The following CDC16 variants were observed in gnomAD, a reference collection of about 807,000 sequenced individuals.
CDC16 encodes cell division cycle protein 16 homolog.
CDC16 carries 34 observed loss-of-function variants against 87.0 expected under a neutral mutation model. The ratio of observed to expected loss-of-function variants is 0.39; its 90% CI spans 0.30 to 0.52. The LOEUF (loss-of-function observed/expected upper bound fraction) is 0.52. Among genes scored for constraint, CDC16 ranks in the 20% least tolerant of loss-of-function variants. The pLI is 0.74. For missense variants in CDC16, 653 were observed against 751.9 expected (o/e 0.87, Z 1.54); for synonymous variants, 263 against 260.6 (o/e 1.01, Z -0.09).
rs1233987353 is a variant in CDC16, at chr13:114,262,864, T to C, written c.1377-15T>C. 1.2e-6 allele frequency: 2 copies of C among 1,613,878 alleles called. No homozygotes were observed. The highest frequency in any genetic ancestry group is 1.7e-6 in the Non-Finnish European group (2 of 1,179,882). The stretch of plus-strand genomic sequence containing the variant: ...GTGCTTTTACTGTAGCCAATAATTG[T>C]GTTCTCTCCCACAGAAAGTATGCTG... On this transcript the variant is annotated splice_polypyrimidine_tract_variant and intron_variant, in intron 15 of 17. Transcript: ENST00000356221.
intron 7 of CDC16, 69 bp from the exon 8 acceptor site, chr13:114,243,787 A>C (rs557976552): frequency 1.5e-6 from 2 of 1,366,386 alleles, no homozygotes; most frequent in African/African-American, 2.9e-5. Context: ...TGGGCCAAAC[A>C]CAAATTGAAT....
At position 114,265,256 on chromosome 13, in the gene CDC16, T is replaced by C. The variant is rs181889421; in HGVS notation, c.1603+16T>C. On this transcript the variant is annotated intron_variant, in intron 17 of 17. Coordinates refer to ENST00000356221, the MANE Select transcript of CDC16 (RefSeq NM_001078645.3). ...GCTTATATTGGTAAGATAATCGTTA[T>C]TCTTATTGGTATTGTACTCCATTTT... 4.7e-6 allele frequency: 7 copies of C among 1,489,672 alleles called. No homozygotes were observed. Among genetic ancestry groups the C allele is most frequent in the East Asian group, 4.5e-5 (2 of 44,362 alleles). 92.3% of individuals were successfully genotyped at this position (1,489,672 alleles called of 1,614,324 possible).
chr13:114,259,372 GA>G lies in CDC16; in HGVS notation c.1294del (p.Ile432LeufsTer8). The G allele has an allele frequency of 6.4e-7, 1 of 1,574,194 alleles. No homozygotes were observed. The highest frequency in any genetic ancestry group is 2.1e-5 in the Admixed American group (1 of 48,712). ...CGAAAAATGGTTTCTTGATGCTTTG[GA>G]AAAAATTAAAGCAATTGGGAACGAG... ...TAEKWFLDAL[E>X]KIKAIGNEVT... On this transcript the variant is annotated frameshift_variant, in exon 14 of 18. Coordinates refer to ENST00000356221, the MANE Select transcript of CDC16 (RefSeq NM_001078645.3). LOFTEE classifies it high-confidence loss of function.
intron 17 of CDC16, among the ~76,000 whole-genome samples, chr13:114,268,140 G>A (rs2083365600): frequency 6.6e-6 from 1 of 152,184 alleles, no homozygotes; most frequent in Non-Finnish European, 1.5e-5. Flanking sequence ...GGAAAGGGGG[G>A]GGAGTTCCCC....
At chr13:114,261,311 A>C (rs917198580) in intron 14 of CDC16, among the ~76,000 whole-genome samples, 1 of 152,018 alleles carries the variant, frequency 6.6e-6, no homozygotes, top group Non-Finnish European at 1.5e-5. Flanking sequence ...GAAGGAAACA[A>C]CCCGGTCAGA....
At chr13:114,256,625 A>T (rs2082513642) in intron 12 of CDC16, among the ~76,000 whole-genome samples, 1 of 152,222 alleles carries the variant, frequency 6.6e-6, no homozygotes, top group Admixed American at 6.5e-5. Flanking sequence ...AACTGATTAT[A>T]ATGGGAATTC....
intron 6 of CDC16, 122 bp downstream of exon 6, chr13:114,242,402 T>C: frequency 1.2e-6 from 1 of 828,844 alleles, no homozygotes; most frequent in South Asian, 1.7e-5. Flanking sequence ...ACCTACTCAC[T>C]TTCTTAATGT....
chr13:114,247,149 T>C (rs1459846932), intron 11 of CDC16, 145 bp downstream of exon 11: 5 of 608,652 alleles, frequency 8.2e-6, no homozygotes, highest in Non-Finnish European at 1.4e-5. Context: ...TCTTTCTCTC[T>C]TTCTTTCTTG....
At position 114,271,211 on chromosome 13, in the gene CDC16, G is replaced by A. The variant is rs190350673; in HGVS notation, c.1604-973G>A. Among the ~76,000 whole-genome samples, 10 of 152,124 alleles carry A rather than the reference G, an allele frequency of 6.6e-5. No individual in the cohort carries two copies. In the East Asian group the frequency reaches 1.8e-3, roughly 27 times the overall value. On this transcript the variant is annotated intron_variant, in intron 17 of 17. Coordinates refer to ENST00000356221, the MANE Select transcript of CDC16 (RefSeq NM_001078645.3). The stretch of plus-strand genomic sequence containing the variant: ...GCTGGGATTACAGGCGTGAGCCATC[G>A]CGCCCGGCCAAGATTTACCATTCAT...
chr13:114,265,319 T>C (rs1448057972), intron 17 of CDC16, 79 bp downstream of exon 17: 2 of 919,536 alleles, frequency 2.2e-6, no homozygotes, highest in African/African-American at 3.3e-5. Flanking sequence ...TTTCTCATAT[T>C]CTCGTCTGAG....
At chr13:114,251,418 A>G (rs1461550401) in intron 12 of CDC16, among the ~76,000 whole-genome samples, 2 of 152,248 alleles carry the variant, frequency 1.3e-5, no homozygotes, top group Non-Finnish European at 2.9e-5. Context: ...AAAGACTTTG[A>G]AGAGTGTCTT....
intron 17 of CDC16, among the ~76,000 whole-genome samples, chr13:114,271,702 C>G (rs562713503): frequency 6.6e-6 from 1 of 151,906 alleles, no homozygotes; most frequent in South Asian, 2.1e-4. Context: ...AGGATGGTCT[C>G]GATCTCCTGA....
intron 10 of CDC16, among the ~76,000 whole-genome samples, chr13:114,246,340 T>C (rs2081872503): frequency 6.6e-6 from 1 of 152,264 alleles, no homozygotes; most frequent in Admixed American, 6.5e-5. Context: ...TATAAAATAC[T>C]GACCATGACA....
At chr13:114,268,001 C>G (rs1594693176) in intron 17 of CDC16, among the ~76,000 whole-genome samples, 2 of 152,300 alleles carry the variant, frequency 1.3e-5, no homozygotes, top group Non-Finnish European at 2.9e-5. Context: ...GGTCCCTCAC[C>G]CAAACTGGGC....
chr13:114,235,031 C>A lies in CDC16; in HGVS notation c.-54C>A. 2 of 1,234,666 alleles carry A rather than the reference C, an allele frequency of 1.6e-6. No individual in the cohort carries two copies. Among genetic ancestry groups the A allele is most frequent in the Non-Finnish European group, 2.0e-6 (2 of 984,228 alleles). 76.5% of individuals were successfully genotyped at this position (1,234,666 alleles called of 1,614,324 possible). A position where few individuals can be genotyped will look rare whatever the true frequency, so the allele number is the denominator to read the frequency against. ...GGCACGGGGCGGGGTGCTTAGGGTGCAGGAGGCGCGCGCCTAGCGGCGGAG... is the reference window on the plus strand; with the variant it reads ...GGCACGGGGCGGGGTGCTTAGGGTGAAGGAGGCGCGCGCCTAGCGGCGGAG... On this transcript the variant is annotated 5_prime_UTR_variant, in exon 1 of 18. Coordinates refer to ENST00000356221, the MANE Select transcript of CDC16 (RefSeq NM_001078645.3).
chr13:114,244,111 A>G (rs143058360), intron 8 of CDC16, 122 bp downstream of exon 8: 6 of 689,172 alleles, frequency 8.7e-6, no homozygotes, highest in Non-Finnish European at 1.5e-5. Flanking sequence ...ATCTTTACCA[A>G]TTGTAGAGCA....
intron 17 of CDC16, among the ~76,000 whole-genome samples, chr13:114,266,823 G>A (rs527939892): frequency 6.6e-6 from 1 of 152,162 alleles, no homozygotes. Flanking sequence ...AGCCTCCTGA[G>A]TAGCTGGGAC....
At chr13:114,254,897 AC>A (rs1224796205) in intron 12 of CDC16, among the ~76,000 whole-genome samples, 1 of 152,190 alleles carries the variant, frequency 6.6e-6, no homozygotes, top group Non-Finnish European at 1.5e-5. Flanking sequence ...AGAAACACTT[AC>A]CATCTATCCT....
In CDC16 at chr13:114,272,322, C is replaced by T. The variant is rs1419216884; in HGVS notation, c.1742C>T (p.Thr581Met). The part of the protein sequence containing the change: ...EKQTAEETGL[T>M]PLETSRKTPD... ...CAGACTGCAGAAGAAACGGGGCTTA[C>T]GCCATTGGAAACCTCAAGGAAAACT... The change falls in exon 18 of 18, where the codon ACG becomes ATG. Residue 581 changes from threonine (T) to methionine (M), a missense_variant. Transcript: ENST00000356221. 8 of 1,614,188 alleles carry T rather than the reference C, an allele frequency of 5.0e-6. No individual in the cohort carries two copies. The African/African-American group carries it at 5.3e-5, about 11-fold the overall frequency.
Sources: allele counts gnomAD v4.1 joint callset (sites outside exome capture counted in the v4.1 genomes callset), GRCh38; gene constraint gnomAD v4.1.1; transcripts MANE v1.5; gene names NCBI Gene and HGNC (gene_info 2026-07-23, HGNC 2026-07-21).